The following CEP83 variants were observed in gnomAD, a reference collection of about 807,000 sequenced individuals.
CEP83 encodes the protein centrosomal protein 83, also known as centrosomal protein of 83 kDa.
In CEP83, 70 loss-of-function variants were observed where a neutral mutation model predicts 101.9. That is an observed-to-expected ratio of 0.69 (90% CI 0.57 to 0.84). The LOEUF is 0.84. Among genes scored for constraint, CEP83 ranks in the 40% least tolerant of loss-of-function variants. The pLI is 0.00. For synonymous variants in CEP83, 264 were observed against 267.9 expected (o/e 0.99, Z 0.14); for missense variants, 715 against 787.2 (o/e 0.91, Z 1.10).
At chr12:94,311,992 T>C (rs1969932809) in intron 15 of CEP83, among the ~76,000 whole-genome samples, 1 of 152,044 alleles carries the variant, frequency 6.6e-6, no homozygotes, top group African/African-American at 2.4e-5. Context: ...GGAGAATAGA[T>C]TAAGCCTAGG....
chr12:94,440,662 C>T (rs927869366), intron 1 of CEP83, among the ~76,000 whole-genome samples: 1 of 151,708 alleles, frequency 6.6e-6, no homozygotes, highest in Admixed American at 6.6e-5. Context: ...ATACCACCAT[C>T]GTTCTTCACA....
chr12:94,327,852 T>C (rs1326309155), intron 14 of CEP83, among the ~76,000 whole-genome samples: 1 of 152,364 alleles, frequency 6.6e-6, no homozygotes, highest in East Asian at 1.9e-4. Flanking sequence ...GACTTTTGTC[T>C]GTCTAGCACA....
downstream of CEP83, among the ~76,000 whole-genome samples, chr12:94,301,966 ACTTAGCCTTATCC>A (rs1320770443): frequency 6.7e-6 from 1 of 149,632 alleles, no homozygotes. Flanking sequence ...TAGCCTTATC[ACTTAGCCTTATCC>A]CTTCATCCCG....
chr12:94,432,171 C>T (rs1428794679), intron 2 of CEP83, among the ~76,000 whole-genome samples: 5 of 151,884 alleles, frequency 3.3e-5, no homozygotes, highest in African/African-American at 1.2e-4. Flanking sequence ...TCTCCTGCCT[C>T]AGCCTCCTGA....
intron 6 of CEP83, among the ~76,000 whole-genome samples, chr12:94,379,761 C>G (rs1390702755): frequency 6.6e-6 from 1 of 152,088 alleles, no homozygotes; most frequent in African/African-American, 2.4e-5. Context: ...ACCTCTGAGG[C>G]ATTTCAGAAG....
intron 7 of CEP83, among the ~76,000 whole-genome samples, chr12:94,376,940 C>T (rs761694576): frequency 2.6e-5 from 4 of 151,860 alleles, no homozygotes; most frequent in Non-Finnish European, 5.9e-5. Flanking sequence ...GGGTTTCACC[C>T]GTGTTGTTCA....
chr12:94,376,825 C>T (rs1216751072), intron 7 of CEP83, among the ~76,000 whole-genome samples: 1 of 151,754 alleles, frequency 6.6e-6, no homozygotes, highest in South Asian at 2.1e-4. Flanking sequence ...CCACAACCTC[C>T]GCCTCCCAAG....
At chr12:94,377,720 T>C (rs558481366) in intron 7 of CEP83, among the ~76,000 whole-genome samples, 1 of 152,264 alleles carries the variant, frequency 6.6e-6, no homozygotes, top group South Asian at 2.1e-4. Context: ...AAATAATCAC[T>C]CTAAAGGACC....
At chr12:94,403,314 T>G in intron 4 of CEP83, 52 bp from the exon 5 acceptor site, 1 of 832,290 alleles carries the variant, frequency 1.2e-6, no homozygotes, top group Non-Finnish European at 2.0e-6. Flanking sequence ...AATCAAGAAT[T>G]CTCCATATTT....
chr12:94,435,378 G>A (rs933747984), intron 1 of CEP83, 51 bp from the exon 2 acceptor site: 2 of 152,170 alleles, frequency 1.3e-5, no homozygotes, highest in African/African-American at 4.8e-5. Flanking sequence ...GACTTACTAA[G>A]TTTCCCCCAG....
the CEP83 span, among the ~76,000 whole-genome samples, chr12:94,287,299 C>T: frequency 2.6e-5 from 4 of 152,310 alleles, no homozygotes; most frequent in South Asian, 2.1e-4. Context: ...ATTCTGTGTG[C>T]GTTGACTATG....
intron 1 of CEP83, among the ~76,000 whole-genome samples, chr12:94,440,341 T>A (rs1422522034): frequency 7.9e-5 from 12 of 152,136 alleles, no homozygotes; most frequent in Admixed American, 7.9e-4. Context: ...GGCAAAGTTT[T>A]AGGATACAAA....
At chr12:94,421,317 C>T (rs1387199017) in intron 2 of CEP83, among the ~76,000 whole-genome samples, 2 of 152,062 alleles carry the variant, frequency 1.3e-5, no homozygotes, top group African/African-American at 2.4e-5. Flanking sequence ...CCTTGACCTG[C>T]TAAAATGTTA....
chr12:94,321,939 G>A (rs962459997), intron 14 of CEP83, among the ~76,000 whole-genome samples: 1 of 151,732 alleles, frequency 6.6e-6, no homozygotes, highest in African/African-American at 2.4e-5. Flanking sequence ...CTGGGGGTCC[G>A]CTCCAATCCC....
chr12:94,335,797 G>T (rs796100685), intron 11 of CEP83, 133 bp from the exon 12 acceptor site: 14 of 649,536 alleles, frequency 2.2e-5, no homozygotes, highest in African/African-American at 1.9e-4. Flanking sequence ...GAGACTTCAA[G>T]AAACTAGGTT....
chr12:94,401,063 A>G, intron 5 of CEP83, 82 bp from the exon 6 acceptor site: 1 of 722,854 alleles, frequency 1.4e-6, no homozygotes, highest in Non-Finnish European at 2.0e-6. Flanking sequence ...ATATAATTTT[A>G]AATTACATTA....
At chr12:94,285,203 A>G in the CEP83 span, among the ~76,000 whole-genome samples, 1 of 152,158 alleles carries the variant, frequency 6.6e-6, no homozygotes, top group Non-Finnish European at 1.5e-5. Context: ...CCGGGAGGGT[A>G]GGGACCCCCT....
intron 11 of CEP83, among the ~76,000 whole-genome samples, chr12:94,356,451 G>A (rs1159713944): frequency 6.6e-6 from 1 of 152,186 alleles, no homozygotes; most frequent in Non-Finnish European, 1.5e-5. Context: ...AGAGGACACT[G>A]GGTGAAAAAT....
intron 8 of CEP83, among the ~76,000 whole-genome samples, chr12:94,372,091 A>G (rs974654310): frequency 1.3e-5 from 2 of 152,170 alleles, no homozygotes; most frequent in African/African-American, 4.8e-5. Context: ...TCTCTGCCTC[A>G]GCCTCCTGAG....
Sources: allele counts gnomAD v4.1 joint callset (sites outside exome capture counted in the v4.1 genomes callset), GRCh38; gene constraint gnomAD v4.1.1; transcripts MANE v1.5; gene names NCBI Gene and HGNC (gene_info 2026-07-23, HGNC 2026-07-21).